The following PPHLN1 variants were observed in gnomAD, a reference collection of about 807,000 sequenced individuals.
PPHLN1 encodes periphilin-1.
In PPHLN1, 29 loss-of-function variants were observed where a neutral mutation model predicts 51.3. The ratio of observed to expected loss-of-function variants is 0.57; its 90% CI spans 0.42 to 0.77. The LOEUF (loss-of-function observed/expected upper bound fraction) is 0.77. PPHLN1 is among the 30% of genes least tolerant of loss of function. PPHLN1 has a pLI of 0.00. For synonymous variants in PPHLN1, 147 were observed against 147.8 expected (o/e 0.99, Z 0.04); for missense variants, 436 against 438.4 (o/e 0.99, Z 0.05).
At chr12:42,343,629 T>TA (rs1041251630) in intron 2 of PPHLN1, among the ~76,000 whole-genome samples, 2 of 152,312 alleles carry the variant, frequency 1.3e-5, no homozygotes, top group Admixed American at 1.3e-4. Context: ...ACATGAAATG[T>TA]AAAAAAAGTG....
chr12:42,407,040 C>T (rs2079377815), intron 9 of PPHLN1, among the ~76,000 whole-genome samples: 1 of 152,178 alleles, frequency 6.6e-6, no homozygotes, highest in Non-Finnish European at 1.5e-5. Context: ...TTCTGGACTC[C>T]ATTCCATTGG....
intron 4 of PPHLN1, among the ~76,000 whole-genome samples, chr12:42,365,806 C>G (rs759393916): frequency 1.3e-5 from 2 of 152,100 alleles, no homozygotes; most frequent in Admixed American, 6.6e-5. Flanking sequence ...TAAAAAGCAT[C>G]AGTTTCGTCA....
At chr12:42,349,392 A>AGTTTT (rs71084640) in intron 2 of PPHLN1, among the ~76,000 whole-genome samples, 78,702 of 146,756 alleles carry the variant, frequency 0.54, 20,918 homozygotes, top group East Asian at 0.67. Flanking sequence ...ATATTTTGTA[A>AGTTTT]GTTTTGTTTT....
intron 8 of PPHLN1, among the ~76,000 whole-genome samples, chr12:42,394,162 C>G (rs1378939685): frequency 6.6e-6 from 1 of 151,942 alleles, no homozygotes; most frequent in Non-Finnish European, 1.5e-5. Context: ...CTTGATGAGT[C>G]TTGAATACCG....
At chr12:42,385,885 C>CT (rs1212462767) in intron 6 of PPHLN1, among the ~76,000 whole-genome samples, 1 of 152,204 alleles carries the variant, frequency 6.6e-6, no homozygotes, top group Non-Finnish European at 1.5e-5. Flanking sequence ...TACACTGACA[C>CT]TATCACACTA....
intron 5 of PPHLN1, among the ~76,000 whole-genome samples, chr12:42,378,430 A>G (rs2076488195): frequency 6.6e-6 from 1 of 152,028 alleles, no homozygotes; most frequent in Non-Finnish European, 1.5e-5. Context: ...GCTTTTTTTC[A>G]AAAGAGGACT....
At position 42,393,585 on chromosome 12, in the gene PPHLN1, A is replaced by G. The variant is rs774849579; in HGVS notation, c.664A>G (p.Ser222Gly). Residue 222 changes from serine (S) to glycine (G), a missense_variant, in exon 8 of 10, where the codon AGT (serine) becomes GGT (glycine). Physicochemically the swap from Ser to Gly is moderately conservative, Grantham distance 56. Coordinates refer to ENST00000358314, the MANE Select transcript of PPHLN1 (RefSeq NM_201439.2). ...VSSSKVLDKP[S>G]RLTEKELAEA... The stretch of plus-strand genomic sequence containing the variant: ...TTTTTATTAGGTGTTAGACAAACCC[A>G]GTAGGCTAACTGAAAAGGAACTTGC... The G allele has an allele frequency of 4.4e-6, 7 of 1,608,882 alleles. No individual in the cohort carries two copies. Among genetic ancestry groups the G allele is most frequent in the Non-Finnish European group, 5.9e-6 (7 of 1,178,360 alleles).
intron 2 of PPHLN1, among the ~76,000 whole-genome samples, chr12:42,349,406 TTTTA>T (rs2072865560): frequency 6.6e-6 from 1 of 151,884 alleles, no homozygotes; most frequent in Non-Finnish European, 1.5e-5. Context: ...TTGTTTTGTT[TTTTA>T]AATTTTTTTA....
chr12:42,424,589 T>A (rs1308982377), intron 9 of PPHLN1, among the ~76,000 whole-genome samples: 2 of 152,176 alleles, frequency 1.3e-5, no homozygotes. Context: ...GGGGCTGGCC[T>A]ATCTTAGGAG....
chr12:42,341,208 C>A (rs1021003077), intron 2 of PPHLN1, among the ~76,000 whole-genome samples: 2 of 152,080 alleles, frequency 1.3e-5, no homozygotes, highest in African/African-American at 2.4e-5. Context: ...GTTTCAAACT[C>A]CTGACCTCAG....
intron 8 of PPHLN1, among the ~76,000 whole-genome samples, chr12:42,395,761 T>G (rs2078146252): frequency 1.3e-5 from 2 of 152,302 alleles, no homozygotes; most frequent in South Asian, 4.1e-4. Flanking sequence ...ATATGAGCCT[T>G]TTAAGTAATG....
At position 42,374,857 on chromosome 12, in the gene PPHLN1, T is replaced by TTTC; in HGVS notation, c.300-6_300-5insTTC. 6.3e-7 allele frequency: 1 copy of TTTC among 1,578,096 alleles called. No homozygotes were observed. The highest frequency in any genetic ancestry group is 8.6e-7 in the Non-Finnish European group (1 of 1,165,982). Reference sequence around the variant, plus strand: ...AACTTATTTTATGTTTTTTTTTTTTTCAAAGGGACATGAGAGATGGCTTTA... The same window carrying TTTC: ...AACTTATTTTATGTTTTTTTTTTTTTTTCCAAAGGGACATGAGAGATGGCTTTA... On this transcript the variant is annotated splice_polypyrimidine_tract_variant and splice_region_variant and intron_variant, in intron 4 of 9. Transcript: ENST00000358314.
intron 9 of PPHLN1, among the ~76,000 whole-genome samples, chr12:42,413,526 ATGTGTGTGTGTGTGTGTG>A (rs71084648): frequency 4.8e-4 from 66 of 136,604 alleles, no homozygotes; most frequent in Admixed American, 3.2e-3. Flanking sequence ...ATATATGTAT[ATGTGTGTGTGTGTGTGTG>A]TGTGTGTGTG....
In PPHLN1 at chr12:42,342,255, A is replaced by ATTCG. The variant is rs1014973788; in HGVS notation, c.72+6285_72+6288dup. On this transcript the variant is annotated intron_variant, in intron 2 of 9. Transcript: ENST00000358314. ...CATTCATTCATTCATTCATTCATTC[A>ATTCG]TTCGTTCATATGTACATACACACAG... Among the ~76,000 whole-genome samples, 16 of 150,688 alleles carry ATTCG rather than the reference A, an allele frequency of 1.1e-4. 1 individual carries two copies. In the East Asian group the frequency reaches 1.2e-3, roughly 11 times the overall value.
intron 9 of PPHLN1, among the ~76,000 whole-genome samples, chr12:42,436,099 A>G (rs1196055917): frequency 2.0e-5 from 3 of 152,218 alleles, no homozygotes; most frequent in African/African-American, 7.2e-5. Flanking sequence ...TTACCTGCTA[A>G]TTGCCAAATC....
chr12:42,378,089 T>A (rs2076429273), intron 5 of PPHLN1, among the ~76,000 whole-genome samples: 2 of 121,456 alleles, frequency 1.6e-5, no homozygotes, highest in Non-Finnish European at 3.5e-5. Context: ...TATCTATCTT[T>A]CTCTTTCTTT....
At chr12:42,412,033 C>T (rs370967919) in intron 9 of PPHLN1, among the ~76,000 whole-genome samples, 43 of 151,562 alleles carry the variant, frequency 2.8e-4, no homozygotes, top group African/African-American at 9.9e-4. Flanking sequence ...GGTGAAACCC[C>T]GTCTCTACTA....
chr12:42,399,518 T>A, intron 9 of PPHLN1: 1 of 744,394 alleles, frequency 1.3e-6, no homozygotes, highest in South Asian at 6.1e-5. Context: ...TTAAATGAAG[T>A]AAATGTGAAA....
intron 2 of PPHLN1, among the ~76,000 whole-genome samples, chr12:42,345,327 A>G (rs1026684801): frequency 2.6e-5 from 4 of 152,082 alleles, no homozygotes; most frequent in Non-Finnish European, 5.9e-5. Flanking sequence ...TTTAAATTTC[A>G]TTGAAGTATA....
Sources: allele counts gnomAD v4.1 joint callset (sites outside exome capture counted in the v4.1 genomes callset), GRCh38; gene constraint gnomAD v4.1.1; transcripts MANE v1.5; gene names NCBI Gene and HGNC (gene_info 2026-07-23, HGNC 2026-07-21).